Variants in EVC2 observed in about 807,000 individuals in gnomAD.
The protein encoded by EVC2 is limbin.
EVC2 carries 148 observed loss-of-function variants against 149.3 expected under a neutral mutation model. The observed-to-expected ratio is 0.99, with a 90% CI of 0.87 to 1.14. The LOEUF (loss-of-function observed/expected upper bound fraction) is 1.14, where lower values mean the gene tolerates loss of function less well. Among genes scored for constraint, EVC2 ranks in the 50% most tolerant of loss-of-function variants. The probability of loss-of-function intolerance (pLI) is 0.00; values close to 1 mark genes in which losing one functional copy is unlikely to be tolerated. For synonymous variants in EVC2, 776 were observed against 649.9 expected, an observed-to-expected ratio of 1.19 and a Z score of -2.95; for missense variants, 1,854 against 1,627.3, an observed-to-expected ratio of 1.14 and a Z score of -2.40.
intron 20 of EVC2, among the ~76,000 whole-genome samples, chr4:5,566,220 C>T (rs913395869): frequency 7.2e-5 from 11 of 152,296 alleles, no homozygotes; most frequent in African/African-American, 1.7e-4. Context: ...GAGTGTTGCC[C>T]GGGACAGTGG....
In EVC2 at chr4:5,584,655, C is replaced by A; in HGVS notation, c.3025G>T (p.Ala1009Ser). 2 of 1,613,842 alleles carry A rather than the reference C, an allele frequency of 1.2e-6. No individual in the cohort carries two copies. The highest frequency in any genetic ancestry group is 1.7e-6 in the Non-Finnish European group (2 of 1,179,906). Residue 1009 changes from alanine (A) to serine (S), a missense_variant, in exon 17 of 22, where the codon GCC (alanine) becomes TCC (serine). By Grantham distance (99) the Ala-to-Ser change is moderately conservative (BLOSUM62 1). Transcript: ENST00000344408. ...LSASEMLTKS[A>S]CTQILESHSR... ...TGCGACTCCAGGATCTGTGTGCAGG[C>A]CGACTTGGTCAGCATCTCAGATGCA...
downstream of EVC2, among the ~76,000 whole-genome samples, chr4:5,541,924 A>T (rs1560114880): frequency 6.6e-6 from 1 of 152,050 alleles, no homozygotes; most frequent in South Asian, 2.1e-4. Context: ...CCCCTCCCCA[A>T]ATTCAATTCA....
the EVC2 span, among the ~76,000 whole-genome samples, chr4:5,537,117 G>C: frequency 2.0e-5 from 3 of 152,204 alleles, no homozygotes; most frequent in East Asian, 5.8e-4. Flanking sequence ...ACCCTGGAAG[G>C]CAGGAGAAAG....
chr4:5,661,471 T>C (rs1347786454), intron 9 of EVC2, among the ~76,000 whole-genome samples: 1 of 151,904 alleles, frequency 6.6e-6, no homozygotes, highest in Non-Finnish European at 1.5e-5. Flanking sequence ...GACAAGAAAA[T>C]ATGATCAAAA....
chr4:5,646,286 T>C (rs1279209213), intron 9 of EVC2, among the ~76,000 whole-genome samples: 1 of 152,200 alleles, frequency 6.6e-6, no homozygotes, highest in African/African-American at 2.4e-5. Flanking sequence ...GGTATCTCAT[T>C]GTGGTTTTGA....
At chr4:5,612,037 CT>C in intron 16 of EVC2, among the ~76,000 whole-genome samples, 1 of 152,158 alleles carries the variant, frequency 6.6e-6, no homozygotes, top group Admixed American at 6.5e-5. Flanking sequence ...GACTTCATGG[CT>C]ATCACATTTG....
chr4:5,647,026 G>A (rs762653729), intron 9 of EVC2, among the ~76,000 whole-genome samples: 30 of 152,174 alleles, frequency 2.0e-4, no homozygotes, highest in Non-Finnish European at 3.8e-4. Flanking sequence ...GCCACCTGTG[G>A]GGTAGAAATA....
At chr4:5,543,447 T>C (rs918608912) in intron 21 of EVC2, among the ~76,000 whole-genome samples, 4 of 152,342 alleles carry the variant, frequency 2.6e-5, no homozygotes, top group Middle Eastern at 3.4e-3. Flanking sequence ...GAGGCTAGCC[T>C]GCAGGGTTCG....
At chr4:5,549,958 A>G (rs1277100327) in intron 21 of EVC2, among the ~76,000 whole-genome samples, 2 of 152,130 alleles carry the variant, frequency 1.3e-5, no homozygotes, top group Admixed American at 1.3e-4. Flanking sequence ...GCACAAACTC[A>G]TTTTGCCTGC....
chr4:5,636,850 T>C lies in EVC2; in HGVS notation c.1470+3664A>G, dbSNP rs1207956072. Among the ~76,000 whole-genome samples, 1 of 152,210 alleles carries C rather than the reference T, an allele frequency of 6.6e-6. No individual in the cohort carries two copies. The highest frequency in any genetic ancestry group is 2.4e-5 in the African/African-American group (1 of 41,444). On this transcript the variant is annotated intron_variant, in intron 10 of 21. Coordinates refer to ENST00000344408, the MANE Select transcript of EVC2 (RefSeq NM_147127.5). This position sits in a 1 kb window ranked among gnomAD's most constrained non-coding sequence, Gnocchi z 4.6. ...AAAGATGACTATAACACATGATGGA[T>C]AATTATAAAGCAGTCTGTGGTTTTG...
chr4:5,599,047 C>G lies in EVC2; in HGVS notation c.2830-14197G>C, dbSNP rs549815712. Among the ~76,000 whole-genome samples, 1,142 of 152,072 alleles carry G rather than the reference C, an allele frequency of 7.5e-3. 12 individuals are homozygous for G. The highest frequency in any genetic ancestry group is 0.026 in the African/African-American group (1,075 of 41,408). On this transcript the variant is annotated intron_variant, in intron 16 of 21. Transcript: ENST00000344408. ...TACCATCTCACACCAGTTAGAATGG[C>G]AATCATTAAAAAGTCAGGAAACAAT... is the stretch of plus-strand genomic sequence containing the variant.
chr4:5,656,983 A>C (rs1718562016), intron 9 of EVC2, among the ~76,000 whole-genome samples: 1 of 152,168 alleles, frequency 6.6e-6, no homozygotes, highest in Admixed American at 6.5e-5. Flanking sequence ...TGGAGTCACC[A>C]ACACGGTAAG....
intron 9 of EVC2, among the ~76,000 whole-genome samples, chr4:5,647,874 G>C (rs75559375): frequency 0.039 from 6,011 of 152,294 alleles, 376 homozygotes; most frequent in African/African-American, 0.13. Flanking sequence ...GTCAGAGTTG[G>C]AGAACGCCCT....
intron 21 of EVC2, among the ~76,000 whole-genome samples, chr4:5,554,894 ATT>A (rs1320761151): frequency 1.3e-5 from 2 of 152,262 alleles, no homozygotes; most frequent in African/African-American, 2.4e-5. Context: ...AAGGAAATGT[ATT>A]TAATTCAAAT....
chr4:5,692,228 A>G (rs776403809), intron 3 of EVC2, among the ~76,000 whole-genome samples: 3 of 152,044 alleles, frequency 2.0e-5, no homozygotes, highest in African/African-American at 4.8e-5. Flanking sequence ...GGGCCTTGCT[A>G]TGTTTCCCAG....
At chr4:5,584,432 A>T (rs1301571591) in intron 17 of EVC2, among the ~76,000 whole-genome samples, 191 bp downstream of exon 17, 1 of 152,210 alleles carries the variant, frequency 6.6e-6, no homozygotes, top group East Asian at 1.9e-4. Flanking sequence ...TTCTCAGAGC[A>T]ATGAAATAGA....
At chr4:5,626,818 G>A (rs1365786215) in intron 12 of EVC2, among the ~76,000 whole-genome samples, 2 of 152,088 alleles carry the variant, frequency 1.3e-5, no homozygotes, top group Non-Finnish European at 2.9e-5. Context: ...CTGCCTTACA[G>A]CTAACAGTGG....
rs144270330 is a variant in EVC2, at chr4:5,622,790, C to T, written c.2248G>A (p.Glu750Lys). The change falls in exon 14 of 22, where the codon GAG becomes AAG. Residue 750 changes from glutamate (E) to lysine (K), a missense_variant. Glu to Lys is a moderately conservative substitution (Grantham distance 56, BLOSUM62 1). Transcript: ENST00000344408. The surrounding 1 kb of genome is among the most constrained non-coding windows in gnomAD (Gnocchi z 5.8). ...GCTGAGTTCTGCAGGCGCCGCAGCTCGTCGGTGGCCTTTTCAAACAGCGAA... is the reference window on the plus strand; with the variant it reads ...GCTGAGTTCTGCAGGCGCCGCAGCTTGTCGGTGGCCTTTTCAAACAGCGAA... ...TLSLFEKATD[E>K]LRRLQNSAMT... 36 of 1,614,056 alleles carry T rather than the reference C, an allele frequency of 2.2e-5. No individual in the cohort carries two copies. The highest frequency in any genetic ancestry group is 1.2e-4 in the African/African-American group (9 of 74,986).
chr4:5,588,506 T>G (rs1480701877), intron 16 of EVC2, among the ~76,000 whole-genome samples: 2 of 152,286 alleles, frequency 1.3e-5, no homozygotes, highest in Non-Finnish European at 2.9e-5. Context: ...CTCTCTCCTC[T>G]TCTCCAGGAA....
Sources: gnomAD v4.1 joint callset for allele counts (sites outside exome capture counted in the v4.1 genomes callset) on GRCh38, gnomAD v4.1.1 for gene constraint, Gnocchi (gnomAD v3.1) non-coding constraint, MANE v1.5 for transcripts, NCBI Gene and HGNC (gene_info 2026-07-23, HGNC 2026-07-21) for gene names.